Variants in TEX9 observed in about 807,000 individuals in gnomAD.
The protein encoded by TEX9 is testis expressed 9.
Under a neutral mutation model 59.6 loss-of-function variants are expected in TEX9, and 74 were observed. That is an observed-to-expected ratio of 1.24 (90% CI 1.03 to 1.51). The LOEUF (loss-of-function observed/expected upper bound fraction) is 1.51, where lower values mean the gene tolerates loss of function less well. Ranked by LOEUF, TEX9 falls within the 40% of genes most tolerant of loss-of-function variation. The pLI is 0.00. For missense variants in TEX9, 522 were observed against 447.8 expected, an observed-to-expected ratio of 1.17 and a Z score of -1.49; for synonymous variants, 186 against 152.2, an observed-to-expected ratio of 1.22 and a Z score of -1.64.
At chr15:56,249,909 A>G (rs2043974365) in intron 1 of TEX9, among the ~76,000 whole-genome samples, 1 of 152,130 alleles carries the variant, frequency 6.6e-6, no homozygotes, top group African/African-American at 2.4e-5. Flanking sequence ...TGGATGCACA[A>G]TGCCATTAGG....
At chr15:56,385,537 G>A (rs2047921910) in intron 4 of TEX9, among the ~76,000 whole-genome samples, 1 of 152,096 alleles carries the variant, frequency 6.6e-6, no homozygotes, top group Admixed American at 6.6e-5. Flanking sequence ...GCTTGACAGT[G>A]TTAAAGTAAC....
At chr15:56,401,606 C>G (rs566169078) in intron 9 of TEX9, among the ~76,000 whole-genome samples, 1 of 152,280 alleles carries the variant, frequency 6.6e-6, no homozygotes. Context: ...CAAGGATACC[C>G]AGGACTAGAA....
chr15:56,459,630 C>A, the TEX9 span, among the ~76,000 whole-genome samples: 3 of 151,940 alleles, frequency 2.0e-5, no homozygotes, highest in Admixed American at 6.6e-5. Flanking sequence ...TTGTCAAGGT[C>A]ATGAAAGACA....
At chr15:56,245,626 G>T (rs1348976785) in intron 1 of TEX9, among the ~76,000 whole-genome samples, 3 of 152,202 alleles carry the variant, frequency 2.0e-5, no homozygotes, top group African/African-American at 7.2e-5. Flanking sequence ...TGAACACTTT[G>T]TGTGCCAGAC....
At chr15:56,257,811 A>T (rs1405885031) in intron 1 of TEX9, among the ~76,000 whole-genome samples, 2 of 151,868 alleles carry the variant, frequency 1.3e-5, no homozygotes, top group African/African-American at 4.8e-5. Flanking sequence ...CCATTTGTCA[A>T]TTTTTGCTTT....
chr15:56,299,794 G>C (rs1484788396), intron 1 of TEX9, among the ~76,000 whole-genome samples: 1 of 152,078 alleles, frequency 6.6e-6, no homozygotes, highest in African/African-American at 2.4e-5. Flanking sequence ...AGCCAGAAGA[G>C]AACCTGCTGC....
intron 10 of TEX9, among the ~76,000 whole-genome samples, chr15:56,426,198 C>CAGAT (rs1446680311): frequency 1.3e-5 from 2 of 152,148 alleles, no homozygotes; most frequent in East Asian, 3.9e-4. Flanking sequence ...TCAGGCAAGA[C>CAGAT]AGATAGCAGT....
the TEX9 span, among the ~76,000 whole-genome samples, chr15:56,454,827 T>C: frequency 2.6e-5 from 4 of 152,196 alleles, no homozygotes; most frequent in African/African-American, 9.6e-5. Context: ...CTCTCCATGC[T>C]TTATTCTGAA....
chr15:56,444,573 T>C (rs762712101), intron 12 of TEX9: 1 of 1,613,230 alleles, frequency 6.2e-7, no homozygotes, highest in Admixed American at 1.7e-5. Flanking sequence ...AAGATAGTAC[T>C]GTGCTTTCGC....
chr15:56,431,592 TTGA>T, intron 12 of TEX9: 1 of 1,247,240 alleles, frequency 8.0e-7, no homozygotes, highest in South Asian at 1.3e-5. Context: ...TTAGATAAAA[TTGA>T]TGAACTATTT....
At chr15:56,262,650 A>G (rs991332326) in intron 1 of TEX9, among the ~76,000 whole-genome samples, 8 of 152,232 alleles carry the variant, frequency 5.3e-5, no homozygotes, top group Non-Finnish European at 1.2e-4. Context: ...AATATTCTAT[A>G]TAATTTCTAA....
intron 1 of TEX9, among the ~76,000 whole-genome samples, chr15:56,249,782 G>A (rs1228197769): frequency 7.4e-6 from 1 of 135,702 alleles, no homozygotes; most frequent in South Asian, 2.5e-4. Flanking sequence ...GAAAGAAGAA[G>A]CATCTATGGG....
chr15:56,255,534 T>C (rs568327840), intron 1 of TEX9, among the ~76,000 whole-genome samples: 1 of 152,018 alleles, frequency 6.6e-6, no homozygotes, highest in African/African-American at 2.4e-5. Flanking sequence ...AATAAAAACG[T>C]AGAAAGATAC....
intron 4 of TEX9, among the ~76,000 whole-genome samples, chr15:56,387,885 A>G (rs1290882873): frequency 6.6e-6 from 1 of 152,002 alleles, no homozygotes; most frequent in South Asian, 2.1e-4. Context: ...CCTTGTTTGA[A>G]ACTACAAATA....
At chr15:56,334,240 A>G (rs1482124369) in intron 1 of TEX9, among the ~76,000 whole-genome samples, 5 of 152,156 alleles carry the variant, frequency 3.3e-5, no homozygotes, top group African/African-American at 7.2e-5. Flanking sequence ...GAGGAACTAC[A>G]CTACCTGACT....
intron 1 of TEX9, among the ~76,000 whole-genome samples, chr15:56,261,906 G>A (rs1244318468): frequency 2.0e-5 from 3 of 152,194 alleles, no homozygotes; most frequent in African/African-American, 7.2e-5. Flanking sequence ...GGGCACTGCT[G>A]TGGCTCACTG....
chr15:56,379,740 A>G (rs1397536200), intron 3 of TEX9, among the ~76,000 whole-genome samples: 1 of 152,188 alleles, frequency 6.6e-6, no homozygotes, highest in African/African-American at 2.4e-5. Flanking sequence ...ATGCATTTAT[A>G]TGCAATCATT....
chr15:56,316,903 A>AC (rs2045783455), intron 1 of TEX9, among the ~76,000 whole-genome samples: 1 of 152,096 alleles, frequency 6.6e-6, no homozygotes, highest in East Asian at 1.9e-4. Context: ...GGTGGGAGTG[A>AC]CCCGATTTTC....
chr15:56,385,228 A>G (rs565019058), intron 4 of TEX9, among the ~76,000 whole-genome samples: 27 of 152,270 alleles, frequency 1.8e-4, no homozygotes, highest in South Asian at 1.0e-3. Flanking sequence ...CATTATGCCA[A>G]CAGCACACTC....
Sources: allele counts gnomAD v4.1 joint callset (sites outside exome capture counted in the v4.1 genomes callset), GRCh38; gene constraint gnomAD v4.1.1; transcripts MANE v1.5; gene names NCBI Gene and HGNC (gene_info 2026-07-23, HGNC 2026-07-21).